The following TMEM39A variants were observed in gnomAD, a reference collection of about 807,000 sequenced individuals.
TMEM39A encodes suppressor of SQST-1 aggregates in rpl-43 mutants.
TMEM39A carries 19 observed loss-of-function variants against 51.9 expected under a neutral mutation model. The observed-to-expected ratio is 0.37, with a 90% CI of 0.26 to 0.54. The LOEUF is 0.54. Among genes scored for constraint, TMEM39A ranks in the 20% least tolerant of loss-of-function variants. The pLI, the probability that TMEM39A is intolerant of heterozygous loss-of-function variation, is 0.88. For missense variants in TMEM39A, 433 were observed against 590.5 expected (o/e 0.73, Z 2.76); for synonymous variants, 197 against 220.2 (o/e 0.89, Z 0.93).
At chr3:119,435,960 A>G in intron 7 of TMEM39A, 1 of 1,283,100 alleles carries the variant, frequency 7.8e-7, no homozygotes, top group Non-Finnish European at 1.0e-6. Context: ...AAGGCAGATA[A>G]TTGAAGGGAG....
In TMEM39A at chr3:119,458,195, T is replaced by C; in HGVS notation, c.159A>G (p.Leu53=). ...AATGACGAACAGGACCTGGGGTGATTAAGGCTGTGATAGGTGGGACTGGAA... is the reference window on the plus strand; with the variant it reads ...AATGACGAACAGGACCTGGGGTGATCAAGGCTGTGATAGGTGGGACTGGAA... ...IGLPVPPITA[L]ITPGPVRHCQ... Residue 53 remains leucine, a synonymous_variant, in exon 3 of 9, where the codon TTA becomes TTG. Coordinates refer to ENST00000319172, the MANE Select transcript of TMEM39A (RefSeq NM_018266.3). 1 of 1,614,098 alleles carries C rather than the reference T, an allele frequency of 6.2e-7. No homozygotes were observed. The highest frequency in any genetic ancestry group is 1.7e-4 in the Middle Eastern group (1 of 6,060).
intron 3 of TMEM39A, among the ~76,000 whole-genome samples, chr3:119,457,121 C>T (rs1403442751): frequency 6.6e-6 from 1 of 152,072 alleles, no homozygotes; most frequent in East Asian, 1.9e-4. Flanking sequence ...CAGGCGCCTG[C>T]CATCACACAC....
chr3:119,461,924 G>T (rs192482018), intron 2 of TMEM39A, 38 bp downstream of exon 2: 53 of 1,487,880 alleles, frequency 3.6e-5, no homozygotes, highest in Non-Finnish European at 4.6e-5. Flanking sequence ...ACTGATCAAA[G>T]GACATTAAAA....
intron 4 of TMEM39A, among the ~76,000 whole-genome samples, chr3:119,450,863 C>T (rs1439153539): frequency 6.8e-6 from 1 of 146,636 alleles, no homozygotes; most frequent in Non-Finnish European, 1.5e-5. Context: ...AATTGCAAGC[C>T]TATTCCAACT....
intron 4 of TMEM39A, among the ~76,000 whole-genome samples, chr3:119,450,145 T>C (rs1298395458): frequency 6.6e-6 from 1 of 152,254 alleles, no homozygotes; most frequent in South Asian, 2.1e-4. Flanking sequence ...AACACATTCA[T>C]ATCACTCAAA....
intron 2 of TMEM39A, among the ~76,000 whole-genome samples, chr3:119,458,865 A>G (rs1204894956): frequency 6.6e-6 from 1 of 152,196 alleles, no homozygotes; most frequent in Non-Finnish European, 1.5e-5. Flanking sequence ...ATTGCACTAC[A>G]GCCTGGGCAA....
At chr3:119,457,562 T>C (rs1193415907) in intron 3 of TMEM39A, among the ~76,000 whole-genome samples, 1 of 152,198 alleles carries the variant, frequency 6.6e-6, no homozygotes, top group Admixed American at 6.5e-5. Flanking sequence ...AGGTCACATG[T>C]TGGAAGACAG....
At chr3:119,440,724 T>G (rs553249269) in intron 5 of TMEM39A, among the ~76,000 whole-genome samples, 1 of 152,318 alleles carries the variant, frequency 6.6e-6, no homozygotes, top group Admixed American at 6.5e-5. Context: ...ATTTTTAAAT[T>G]GAAGTTTAGA....
intron 5 of TMEM39A, among the ~76,000 whole-genome samples, chr3:119,442,756 CTAGAAT>C (rs2081071993): frequency 6.6e-6 from 1 of 152,192 alleles, no homozygotes; most frequent in African/African-American, 2.4e-5. Context: ...AGCAACAGAA[CTAGAAT>C]TAGAAGTGGA....
rs999290785 is a variant in TMEM39A, at chr3:119,431,310, A to T, written c.*671T>A. 7.9e-5 allele frequency: 12 copies of T among 152,178 alleles called. No homozygotes were observed. Among genetic ancestry groups the T allele is most frequent in the African/African-American group, 2.7e-4 (11 of 41,442 alleles). The allele number at this position is 152,178 out of a possible 1,614,324, so 9.4% of individuals were successfully genotyped here. A position where few individuals can be genotyped will look rare whatever the true frequency, so the allele number is the denominator to read the frequency against. On this transcript the variant is annotated 3_prime_UTR_variant, in exon 9 of 9. Coordinates refer to ENST00000319172, the MANE Select transcript of TMEM39A (RefSeq NM_018266.3). ...TGTCTGGCAAAGTATTATTTCAAAC[A>T]ACTAAGAGGAAAATCTTTGGAAGCA...
chr3:119,452,408 C>T (rs1252888431), intron 4 of TMEM39A, 39 bp downstream of exon 4: 2 of 1,518,942 alleles, frequency 1.3e-6, no homozygotes, highest in African/African-American at 1.4e-5. Flanking sequence ...GTAACTAACT[C>T]TAGCTACATG....
intron 3 of TMEM39A, 52 bp downstream of exon 3, chr3:119,457,966 G>A: frequency 1.5e-6 from 2 of 1,348,084 alleles, no homozygotes; most frequent in Non-Finnish European, 2.1e-6. Flanking sequence ...GGCTTTCCAG[G>A]TAGTTTCTTG....
intron 5 of TMEM39A, among the ~76,000 whole-genome samples, chr3:119,445,027 C>A (rs903654334): frequency 7.9e-5 from 12 of 151,892 alleles, no homozygotes; most frequent in Non-Finnish European, 1.3e-4. Flanking sequence ...CTGCAGTGAG[C>A]TGAGATCGCT....
chr3:119,431,133 G>A lies in TMEM39A; in HGVS notation c.*848C>T, dbSNP rs1267062054. 1 of 152,086 alleles carries A rather than the reference G, an allele frequency of 6.6e-6. No individual in the cohort carries two copies. Among genetic ancestry groups the A allele is most frequent in the South Asian group, 2.1e-4 (1 of 4,818 alleles). The allele number at this position is 152,086 out of a possible 1,614,324, so 9.4% of individuals were successfully genotyped here. A position where few individuals can be genotyped will look rare whatever the true frequency, so the allele number is the denominator to read the frequency against. ...TGGGTTGCTGCTAGACTACATCCAAGATTGTTCAGCTGAGGACTTGCCCAC... is the reference window on the plus strand; with the variant it reads ...TGGGTTGCTGCTAGACTACATCCAAAATTGTTCAGCTGAGGACTTGCCCAC... On this transcript the variant is annotated 3_prime_UTR_variant, in exon 9 of 9. Coordinates refer to ENST00000319172, the MANE Select transcript of TMEM39A (RefSeq NM_018266.3).
chr3:119,431,887 T>C lies in TMEM39A; in HGVS notation c.*94A>G, dbSNP rs2080905536. The C allele has an allele frequency of 4.6e-6, 4 of 864,442 alleles. No homozygotes were observed. The highest frequency in any genetic ancestry group is 6.8e-6 in the Non-Finnish European group (4 of 587,884). The allele number at this position is 864,442 out of a possible 1,614,324, so 53.5% of individuals were successfully genotyped here. A position where few individuals can be genotyped will look rare whatever the true frequency, so the allele number is the denominator to read the frequency against. ...TCAAAACATAATAGTATACAAAATA[T>C]AAAATATCTTAAATATTTATAAAAA... On this transcript the variant is annotated 3_prime_UTR_variant, in exon 9 of 9. Coordinates refer to ENST00000319172, the MANE Select transcript of TMEM39A (RefSeq NM_018266.3).
At chr3:119,452,600 TAG>T in intron 3 of TMEM39A, 70 bp from the exon 4 acceptor site, 1 of 1,217,168 alleles carries the variant, frequency 8.2e-7, no homozygotes, top group Non-Finnish European at 1.2e-6. Context: ...ACTACAAGAA[TAG>T]AGGTTTATCC....
Position 119,438,051 on chromosome 3 carries a change from G to C in TMEM39A, c.628C>G (p.Leu210Val). 6.2e-7 allele frequency: 1 copy of C among 1,608,310 alleles called. No individual in the cohort carries two copies. The highest frequency in any genetic ancestry group is 8.5e-7 in the Non-Finnish European group (1 of 1,175,042). ...ACATAGTTGTAGTCTGTGAGAAGAA[G>C]ATGTGCTCTACTATCTTGATGAAAA... ...CCFHQDSRAH[L>V]LLTDYNYVVQ... Residue 210 changes from leucine to valine, a missense_variant, in exon 6 of 9, where the codon CTT becomes GTT. Physicochemically the swap from Leu to Val is conservative, Grantham distance 32. Coordinates refer to ENST00000319172, the MANE Select transcript of TMEM39A (RefSeq NM_018266.3).
intron 4 of TMEM39A, among the ~76,000 whole-genome samples, chr3:119,449,295 C>A (rs1436271150): frequency 6.6e-6 from 1 of 152,044 alleles, no homozygotes; most frequent in African/African-American, 2.4e-5. Flanking sequence ...GGTCTTTGGC[C>A]GGGTGCAATG....
Position 119,452,600 on chromosome 3 carries a change from T to C in TMEM39A, c.337-70A>G, listed in dbSNP as rs1451066703. ...TATTCAGCTGGCACTACTACAAGAA[T>C]AGAGGTTTATCCCTCAAAAGATCTT... On this transcript the variant is annotated intron_variant, in intron 3 of 8. Transcript: ENST00000319172. 12 of 1,217,050 alleles carry C rather than the reference T, an allele frequency of 9.9e-6. No individual in the cohort carries two copies. In the East Asian group the frequency reaches 2.5e-4, roughly 26 times the overall value. 75.4% of individuals were successfully genotyped at this position (1,217,050 alleles called of 1,614,324 possible).
Sources: allele counts gnomAD v4.1 joint callset (sites outside exome capture counted in the v4.1 genomes callset), GRCh38; gene constraint gnomAD v4.1.1; transcripts MANE v1.5; gene names NCBI Gene and HGNC (gene_info 2026-07-23, HGNC 2026-07-21).